INTS6: variants seen among roughly 807,000 people sequenced by gnomAD.
INTS6 encodes integrator complex subunit 6.
INTS6 carries 16 observed loss-of-function variants against 104.9 expected under a neutral mutation model. The ratio of observed to expected loss-of-function variants is 0.15; its 90% CI spans 0.10 to 0.23. The LOEUF (loss-of-function observed/expected upper bound fraction) is 0.23, where lower values mean the gene tolerates loss of function less well. INTS6 is among the 10% of genes least tolerant of loss of function. INTS6 has a pLI of 1.00. For synonymous variants in INTS6, 324 were observed against 358.7 expected (o/e 0.90, Z 1.09); for missense variants, 584 against 1,062.8 (o/e 0.55, Z 6.26).
chr13:51,435,013 T>C (rs1246801231), intron 3 of INTS6, among the ~76,000 whole-genome samples: 1 of 152,084 alleles, frequency 6.6e-6, no homozygotes, highest in Non-Finnish European at 1.5e-5. Flanking sequence ...ACATTGTTAT[T>C]CCTAAGTAAG....
intron 4 of INTS6, among the ~76,000 whole-genome samples, chr13:51,416,500 T>C (rs775895123): frequency 6.6e-6 from 1 of 152,246 alleles, no homozygotes; most frequent in Non-Finnish European, 1.5e-5. Flanking sequence ...GCCTTTTGTG[T>C]CTGGCTTTCA....
Position 51,379,522 on chromosome 13 carries a change from G to A in INTS6, c.1326C>T (p.Asp442=), listed in dbSNP as rs202025613. ...RMMGAPNLIA[D]SMEYGLSYSV... Reference sequence around the variant, plus strand: ...TGTAACTAAGTCCATATTCCATACTGTCTGCTATTAGGTTAGGTGCTCCCA... The same window carrying A: ...TGTAACTAAGTCCATATTCCATACTATCTGCTATTAGGTTAGGTGCTCCCA... Residue 442 remains aspartate, a synonymous_variant, in exon 11 of 18, where the codon GAC becomes GAT. Transcript: ENST00000311234. 2.1e-5 allele frequency: 33 copies of A among 1,604,970 alleles called. No individual in the cohort carries two copies. In the East Asian group the frequency reaches 7.2e-4, roughly 35 times the overall value.
chr13:51,353,176 TA>T (rs1955426087), downstream of INTS6, among the ~76,000 whole-genome samples: 1 of 152,228 alleles, frequency 6.6e-6, no homozygotes, highest in Non-Finnish European at 1.5e-5. Context: ...TAATCTTTTA[TA>T]GTCATATCTC....
At chr13:51,423,625 C>T (rs1956934811) in intron 4 of INTS6, among the ~76,000 whole-genome samples, 1 of 151,976 alleles carries the variant, frequency 6.6e-6, no homozygotes, top group South Asian at 2.1e-4. Flanking sequence ...ATAACTTATT[C>T]TAAAATATCA....
the INTS6 span, chr13:51,335,635 A>G: frequency 6.6e-6 from 1 of 152,242 alleles, no homozygotes; most frequent in Non-Finnish European, 1.5e-5. Context: ...ATTCCCGCAC[A>G]GTCCACAAGA....
intron 4 of INTS6, among the ~76,000 whole-genome samples, chr13:51,407,362 A>G (rs1423676820): frequency 6.6e-6 from 1 of 152,240 alleles, no homozygotes; most frequent in East Asian, 1.9e-4. Flanking sequence ...ATGGAAAGCA[A>G]TGAAACATTG....
intron 3 of INTS6, among the ~76,000 whole-genome samples, chr13:51,434,615 T>TACA (rs1357646926): frequency 6.6e-6 from 1 of 152,108 alleles, no homozygotes; most frequent in Non-Finnish European, 1.5e-5. Flanking sequence ...GGTTGTTTTA[T>TACA]TATTTCTTCA....
rs373815213 is a variant in INTS6 at position 51,382,063 on chromosome 13, C to G, written c.1241G>C (p.Ser414Thr). 1 of 1,611,848 alleles carries G rather than the reference C, an allele frequency of 6.2e-7. No individual in the cohort carries two copies. Among genetic ancestry groups the G allele is most frequent in the Non-Finnish European group, 8.5e-7 (1 of 1,178,974 alleles). The change falls in exon 10 of 18, where the codon AGT becomes ACT. Residue 414 changes from serine to threonine, a missense_variant. Physicochemically the swap from Ser to Thr is moderately conservative, Grantham distance 58. Coordinates refer to ENST00000311234, the MANE Select transcript of INTS6 (RefSeq NM_012141.3). Reference protein sequence around the residue: ...PTLKWRQSFESYLKTMPPYYL... With the variant: ...PTLKWRQSFETYLKTMPPYYL... ...GTAGGGAGGCATTGTCTTCAAATAA[C>G]TTTCAAATGACTGTCTCCACTTCAA...
chr13:51,335,497 A>T, the INTS6 span, among the ~76,000 whole-genome samples: 2 of 152,244 alleles, frequency 1.3e-5, no homozygotes, highest in Non-Finnish European at 2.9e-5. Flanking sequence ...AATACTTGGC[A>T]GAGATGTGGG....
chr13:51,449,489 G>C (rs1952990750), intron 3 of INTS6: 1 of 985,200 alleles, frequency 1.0e-6, no homozygotes. Context: ...CAATCTTTAA[G>C]AAGTATTTTT....
chr13:51,407,971 C>T (rs1956604932), intron 4 of INTS6, among the ~76,000 whole-genome samples: 2 of 147,752 alleles, frequency 1.4e-5, no homozygotes, highest in South Asian at 2.2e-4. Flanking sequence ...GAGCCAAGAT[C>T]GTGCCACTGC....
the INTS6 span, among the ~76,000 whole-genome samples, chr13:51,346,148 G>A: frequency 3.3e-5 from 5 of 152,218 alleles, no homozygotes; most frequent in Non-Finnish European, 5.9e-5. Flanking sequence ...CAAAGTGTGT[G>A]CATATTAAAC....
At chr13:51,410,561 A>G (rs920423259) in intron 4 of INTS6, among the ~76,000 whole-genome samples, 2 of 152,206 alleles carry the variant, frequency 1.3e-5, no homozygotes, top group African/African-American at 4.8e-5. Context: ...AGAAATTCTA[A>G]ATGAATTATT....
downstream of INTS6, chr13:51,361,136 A>G: frequency 1.9e-6 from 1 of 537,266 alleles, no homozygotes; most frequent in Non-Finnish European, 3.3e-6. Context: ...ACAAAAACAG[A>G]ATTTTCCACT....
chr13:51,366,807 T>C (rs768593242), intron 17 of INTS6, among the ~76,000 whole-genome samples: 1 of 152,040 alleles, frequency 6.6e-6, no homozygotes, highest in South Asian at 2.1e-4. Flanking sequence ...AATCTTCATG[T>C]GTAGCATAGA....
chr13:51,430,117 T>A, intron 4 of INTS6, 177 bp downstream of exon 4: 1 of 521,214 alleles, frequency 1.9e-6, no homozygotes. Flanking sequence ...CAGAAGAGAT[T>A]CTTATTCAAG....
At position 51,387,840 on chromosome 13, in the gene INTS6, T is replaced by C. The variant is rs557605623; in HGVS notation, c.740-300A>G. On this transcript the variant is annotated intron_variant, in intron 6 of 17. Coordinates refer to ENST00000311234, the MANE Select transcript of INTS6 (RefSeq NM_012141.3). ...ACATACTTTACGGTGAATATCTGTT[T>C]GATGAATGGCATGTTTTCTTCATCA... 3.9e-5 allele frequency among the ~76,000 whole-genome samples: 6 copies of C among 152,306 alleles called. No homozygotes were observed. The East Asian group carries it at 1.2e-3, about 29-fold the overall frequency.
chr13:51,341,410 C>T, the INTS6 span: 14 of 1,437,408 alleles, frequency 9.7e-6, no homozygotes, highest in Non-Finnish European at 1.2e-5. Flanking sequence ...CTCTCTCCAG[C>T]TCACCCTCCT....
chr13:51,367,961 T>A (rs1955726016), intron 16 of INTS6, 63 bp from the exon 17 acceptor site: 1 of 885,116 alleles, frequency 1.1e-6, no homozygotes, highest in South Asian at 1.7e-5. Flanking sequence ...TATTCAATAT[T>A]CTTCTTTTGC....
Sources: gnomAD v4.1 joint callset for allele counts (sites outside exome capture counted in the v4.1 genomes callset) on GRCh38, gnomAD v4.1.1 for gene constraint, MANE v1.5 for transcripts, NCBI Gene and HGNC (gene_info 2026-07-23, HGNC 2026-07-21) for gene names.